NCKAP5: variants seen among roughly 807,000 people sequenced by gnomAD.
NCKAP5 encodes NCK associated protein 5, also known as nck-associated protein 5.
NCKAP5 carries 92 observed loss-of-function variants against 167.0 expected under a neutral mutation model. That is an observed-to-expected ratio of 0.55 (90% confidence interval 0.47 to 0.66). The LOEUF is 0.66. Among genes scored for constraint, NCKAP5 ranks in the 30% least tolerant of loss-of-function variants. The pLI is 0.00. For synonymous variants in NCKAP5, 891 were observed against 877.4 expected (o/e 1.02, Z -0.27); for missense variants, 2,378 against 2,315.0 (o/e 1.03, Z -0.56).
intron 2 of NCKAP5, among the ~76,000 whole-genome samples, chr2:133,526,686 A>C (rs1170516465): frequency 6.6e-6 from 1 of 152,060 alleles, no homozygotes; most frequent in Non-Finnish European, 1.5e-5. Context: ...CTTCCTTTGT[A>C]AAGATCTCCC....
At chr2:133,633,256 G>C in the NCKAP5 span, among the ~76,000 whole-genome samples, 3 of 152,184 alleles carry the variant, frequency 2.0e-5, no homozygotes, top group Non-Finnish European at 2.9e-5. Flanking sequence ...CTCCACAACT[G>C]CTTCCCGAAC....
intron 16 of NCKAP5, among the ~76,000 whole-genome samples, chr2:132,764,205 A>C (rs1277118367): frequency 6.6e-6 from 1 of 152,182 alleles, no homozygotes; most frequent in Non-Finnish European, 1.5e-5. Context: ...AAAACCAGAG[A>C]ACCAGCCAGG....
chr2:132,857,206 A>C (rs1349895150), intron 11 of NCKAP5, among the ~76,000 whole-genome samples: 1 of 151,602 alleles, frequency 6.6e-6, no homozygotes, highest in Non-Finnish European at 1.5e-5. Flanking sequence ...CACACACTTT[A>C]TACATTGTCT....
intron 16 of NCKAP5, among the ~76,000 whole-genome samples, chr2:132,761,811 G>A (rs1681030794): frequency 6.6e-6 from 1 of 152,118 alleles, no homozygotes; most frequent in Admixed American, 6.5e-5. Context: ...AACAGGTCAT[G>A]TTCCCTATAT....
chr2:133,239,215 C>T (rs1574470109), intron 4 of NCKAP5, among the ~76,000 whole-genome samples: 1 of 152,214 alleles, frequency 6.6e-6, no homozygotes, highest in South Asian at 2.1e-4. Flanking sequence ...TGAGCAGCTG[C>T]CTCAAAATTA....
chr2:132,784,929 A>G lies in NCKAP5; in HGVS notation c.1882T>C (p.Cys628Arg), dbSNP rs377156264. The change falls in exon 14 of 20, where the codon TGT (cysteine) becomes CGT (arginine). Residue 628 changes from cysteine (C) to arginine (R), a missense_variant. Coordinates refer to ENST00000409261, the MANE Select transcript of NCKAP5 (RefSeq NM_207363.3). Reference protein sequence around the residue: ...DVLVGFGKSLCGSPEEEEKQV... With the variant: ...DVLVGFGKSLRGSPEEEEKQV... The stretch of plus-strand genomic sequence containing the variant: ...TTTTCCTCCTCTTCAGGAGACCCAC[A>G]TAGAGATTTTCCAAACCCCACAAGG... 7.5e-6 allele frequency: 12 copies of G among 1,596,898 alleles called. No individual in the cohort carries two copies. The highest frequency in any genetic ancestry group is 1.0e-5 in the Non-Finnish European group (12 of 1,171,424).
chr2:133,254,053 G>T (rs2088492414), intron 4 of NCKAP5, among the ~76,000 whole-genome samples: 1 of 152,182 alleles, frequency 6.6e-6, no homozygotes, highest in East Asian at 1.9e-4. Context: ...AAAAATTTTA[G>T]ATGATGATAA....
At chr2:133,255,422 T>G (rs1007416420) in intron 4 of NCKAP5, among the ~76,000 whole-genome samples, 2 of 152,200 alleles carry the variant, frequency 1.3e-5, no homozygotes, top group African/African-American at 4.8e-5. Flanking sequence ...GCAGAAACCC[T>G]GTGGTTTCTA....
chr2:133,385,442 G>A (rs58489491), intron 3 of NCKAP5, among the ~76,000 whole-genome samples: 6,120 of 152,208 alleles, frequency 0.04, 199 homozygotes, highest in East Asian at 0.12. Context: ...TGCTGGATTC[G>A]GTTTGCCAGT....
rs1019886547 is a variant in NCKAP5, at chr2:133,194,433, T to G, written c.207+19283A>C. On this transcript the variant is annotated intron_variant, in intron 5 of 19. Transcript: ENST00000409261. ...TTAGCATCAGGAACCAACAAGTCAGTTTCCTGGCTTCCTGACTTCTTAGTT... is the reference window on the plus strand; with the variant it reads ...TTAGCATCAGGAACCAACAAGTCAGGTTCCTGGCTTCCTGACTTCTTAGTT... Among the ~76,000 whole-genome samples the G allele has an allele frequency of 8.5e-5, 13 of 152,086 alleles. No individual in the cohort carries two copies. The South Asian group carries it at 1.2e-3, about 15-fold the overall frequency.
chr2:133,278,200 G>A (rs781619246), intron 4 of NCKAP5, among the ~76,000 whole-genome samples: 3 of 152,080 alleles, frequency 2.0e-5, no homozygotes, highest in East Asian at 1.9e-4. Flanking sequence ...ACAAATTATC[G>A]CAAATGTAGT....
At chr2:133,388,824 A>C (rs1215133603) in intron 3 of NCKAP5, among the ~76,000 whole-genome samples, 1 of 152,114 alleles carries the variant, frequency 6.6e-6, no homozygotes, top group Non-Finnish European at 1.5e-5. Context: ...TGGGCGTGGG[A>C]CCCTCCGAGC....
intron 11 of NCKAP5, among the ~76,000 whole-genome samples, chr2:132,833,244 G>A (rs1272797885): frequency 2.6e-5 from 4 of 152,062 alleles, no homozygotes; most frequent in African/African-American, 9.7e-5. Flanking sequence ...TGAATTGTTT[G>A]AGTTTCTTGT....
chr2:133,665,087 A>G, the NCKAP5 span, among the ~76,000 whole-genome samples: 1 of 152,212 alleles, frequency 6.6e-6, no homozygotes, highest in East Asian at 1.9e-4. Flanking sequence ...TCTATCTTCA[A>G]GACCACTAAA....
chr2:133,455,696 T>C (rs1197389055), intron 3 of NCKAP5, among the ~76,000 whole-genome samples: 2 of 152,028 alleles, frequency 1.3e-5, no homozygotes, highest in South Asian at 4.1e-4. Context: ...GAAGACAATA[T>C]GAAAGGAAAG....
chr2:133,432,090 G>A (rs1357500653), intron 3 of NCKAP5, among the ~76,000 whole-genome samples: 1 of 152,080 alleles, frequency 6.6e-6, no homozygotes, highest in Non-Finnish European at 1.5e-5. Context: ...CACAAATCAG[G>A]TCAATAATCA....
chr2:132,896,594 T>C (rs955230685), intron 8 of NCKAP5, among the ~76,000 whole-genome samples: 2 of 152,154 alleles, frequency 1.3e-5, no homozygotes, highest in Admixed American at 6.5e-5. Flanking sequence ...GGTGCAATAA[T>C]AGACATGTAG....
chr2:132,695,780 C>A (rs540486107), intron 19 of NCKAP5, among the ~76,000 whole-genome samples: 3 of 152,142 alleles, frequency 2.0e-5, no homozygotes, highest in African/African-American at 7.2e-5. Flanking sequence ...ATTTGCATTT[C>A]CCCCATCTGT....
In NCKAP5 at chr2:132,920,743, GTGTATATA is replaced by G. The variant is rs1558942995; in HGVS notation, c.580-41835_580-41828del. Among the ~76,000 whole-genome samples the G allele has an allele frequency of 1.1e-3, 75 of 68,438 alleles. 4 individuals are homozygous for G. Among genetic ancestry groups the G allele is most frequent in the African/African-American group, 6.4e-3 (71 of 11,070 alleles). The allele number at this position is 68,438 out of a possible 152,430, so 44.9% of individuals were successfully genotyped here. A position where few individuals can be genotyped will look rare whatever the true frequency, so the allele number is the denominator to read the frequency against. ...TGTATATATATATATGTATATATAT[GTGTATATA>G]TATATGTATATATATGTATGTATAT... On this transcript the variant is annotated intron_variant, in intron 8 of 19. Coordinates refer to ENST00000409261, the MANE Select transcript of NCKAP5 (RefSeq NM_207363.3).
Sources: allele counts gnomAD v4.1 joint callset (sites outside exome capture counted in the v4.1 genomes callset), GRCh38; gene constraint gnomAD v4.1.1; transcripts MANE v1.5; gene names NCBI Gene and HGNC (gene_info 2026-07-23, HGNC 2026-07-21).